CASZ1: variants seen among roughly 807,000 people sequenced by gnomAD.
CASZ1 encodes the protein zinc finger protein castor homolog 1.
A neutral mutation model predicts 135.2 loss-of-function variants in CASZ1; 28 were observed. That is an observed-to-expected ratio of 0.21 (90% CI 0.15 to 0.28). The LOEUF (loss-of-function observed/expected upper bound fraction) is 0.28, where lower values mean the gene tolerates loss of function less well. Ranked by LOEUF, CASZ1 falls within the 10% of genes least tolerant of loss-of-function variation. The pLI, the probability that CASZ1 is intolerant of heterozygous loss-of-function variation, is 1.00. For synonymous variants in CASZ1, 1,068 were observed against 1,073.4 expected, an observed-to-expected ratio of 0.99 and a Z score of 0.10; for missense variants, 2,161 against 2,453.3, an observed-to-expected ratio of 0.88 and a Z score of 2.52.
At chr1:10,753,054 C>T (rs961127848) in intron 2 of CASZ1, among the ~76,000 whole-genome samples, 3 of 152,094 alleles carry the variant, frequency 2.0e-5, no homozygotes, top group African/African-American at 7.2e-5. Context: ...CAAAACAAAA[C>T]AAAACAAAAA....
chr1:10,662,368 T>C (rs1484356507), intron 5 of CASZ1, among the ~76,000 whole-genome samples: 1 of 149,768 alleles, frequency 6.7e-6, no homozygotes, highest in Non-Finnish European at 1.5e-5. Context: ...CACATGTGCA[T>C]TCTCATACTT....
Position 10,767,781 on chromosome 1 carries a change from T to C in CASZ1, c.-233-6924A>G, listed in dbSNP as rs988070959. Reference sequence around the variant, plus strand: ...AAAGGGCCACATCAGCAGGTCCGGTTGCAGCTCCCTGTCTGTCTTGCCCAC... The same window carrying C: ...AAAGGGCCACATCAGCAGGTCCGGTCGCAGCTCCCTGTCTGTCTTGCCCAC... On this transcript the variant is annotated intron_variant, in intron 1 of 20. Coordinates refer to ENST00000377022, the MANE Select transcript of CASZ1 (RefSeq NM_001079843.3). This position sits in a 1 kb window ranked among gnomAD's most constrained non-coding sequence, Gnocchi z 4.2. Among the ~76,000 whole-genome samples the C allele has an allele frequency of 6.6e-5, 10 of 152,224 alleles. No individual in the cohort carries two copies. The highest frequency in any genetic ancestry group is 2.4e-4 in the African/African-American group (10 of 41,454).
At chr1:10,642,707 C>G in intron 20 of CASZ1, 152 bp downstream of exon 20, 1 of 823,824 alleles carries the variant, frequency 1.2e-6, no homozygotes, top group Non-Finnish European at 1.8e-6. Context: ...GCCTCGATGA[C>G]CCAGTCCCAC....
rs1640899086 is a variant in CASZ1 at position 10,788,541 on chromosome 1, G to A, written c.-234+8023C>T. Reference sequence around the variant, plus strand: ...TTTATTAAGAGGATTCTCAAAGGGGGCACATGGATTCAAAAGAAGGGAAGA... The same window carrying A: ...TTTATTAAGAGGATTCTCAAAGGGGACACATGGATTCAAAAGAAGGGAAGA... On this transcript the variant is annotated intron_variant, in intron 1 of 20. Coordinates refer to ENST00000377022, the MANE Select transcript of CASZ1 (RefSeq NM_001079843.3). The surrounding 1 kb of genome is among the most constrained non-coding windows in gnomAD (Gnocchi z 4.1). Among the ~76,000 whole-genome samples, 2 of 152,148 alleles carry A rather than the reference G, an allele frequency of 1.3e-5. No homozygotes were observed. The highest frequency in any genetic ancestry group is 4.1e-4 in the South Asian group (2 of 4,828).
chr1:10,714,757 G>T (rs1570514974), intron 2 of CASZ1, among the ~76,000 whole-genome samples: 2 of 152,318 alleles, frequency 1.3e-5, no homozygotes, highest in East Asian at 1.9e-4. Flanking sequence ...CAAAGGTCTG[G>T]CCTGACCCTG....
intron 4 of CASZ1, among the ~76,000 whole-genome samples, chr1:10,680,465 T>C (rs1268501539): frequency 6.6e-5 from 10 of 152,188 alleles, no homozygotes; most frequent in Non-Finnish European, 1.3e-4. Flanking sequence ...GTTTCTCAAA[T>C]ATATCCTGAG....
chr1:10,655,698 T>C lies in CASZ1; in HGVS notation c.1616A>G (p.Tyr539Cys), dbSNP rs1570422371. The C allele has an allele frequency of 6.2e-7, 1 of 1,614,090 alleles. No homozygotes were observed. The highest frequency in any genetic ancestry group is 1.7e-5 in the Admixed American group (1 of 60,022). The change falls in exon 9 of 21, where the codon TAC (tyrosine) becomes TGC (cysteine). Residue 539 changes from tyrosine (Y) to cysteine (C), a missense_variant. Tyr to Cys is a radical substitution (Grantham distance 194). Transcript: ENST00000377022. The stretch of plus-strand genomic sequence containing the variant: ...CTTCCCATTGAGGTGGCAGCCGTGG[T>C]AGTAGACGCTGCAGTCGTCCAGCGG... Reference protein sequence around the residue: ...FSPLDDCSVYYHGCHLNGKST... With the variant: ...FSPLDDCSVYCHGCHLNGKST...
At chr1:10,749,182 C>T (rs956955371) in intron 2 of CASZ1, among the ~76,000 whole-genome samples, 1 of 152,146 alleles carries the variant, frequency 6.6e-6, no homozygotes, top group African/African-American at 2.4e-5. Flanking sequence ...CACGACATGC[C>T]CTCCACCCTG....
In CASZ1 at chr1:10,649,392, C is replaced by T. The variant is rs759014812; in HGVS notation, c.2926G>A (p.Ala976Thr). The change falls in exon 14 of 21, where the codon GCG becomes ACG. Residue 976 changes from alanine (A) to threonine (T), a missense_variant. Coordinates refer to ENST00000377022, the MANE Select transcript of CASZ1 (RefSeq NM_001079843.3). ...PGLGSLLNIK[A>T]EAEGSPAAEP... ...GCAGCGGGGCTCCCCTCCGCTTCCGCCTTGATGTTCAGCAGGCTGCCCAGG... is the reference window on the plus strand; with the variant it reads ...GCAGCGGGGCTCCCCTCCGCTTCCGTCTTGATGTTCAGCAGGCTGCCCAGG... The T allele has an allele frequency of 6.2e-7, 1 of 1,610,756 alleles. No homozygotes were observed. Among genetic ancestry groups the T allele is most frequent in the South Asian group, 1.1e-5 (1 of 90,476 alleles).
At chr1:10,771,335 T>C (rs1015568168) in intron 1 of CASZ1, among the ~76,000 whole-genome samples, 7 of 152,080 alleles carry the variant, frequency 4.6e-5, no homozygotes, top group African/African-American at 7.2e-5. Flanking sequence ...ATTATTATTA[T>C]GGATTTTTGG....
At chr1:10,779,343 T>G (rs1376063129) in intron 1 of CASZ1, among the ~76,000 whole-genome samples, 1 of 151,198 alleles carries the variant, frequency 6.6e-6, no homozygotes. Context: ...CAAAAGCTAT[T>G]GTTGCACAGC....
intron 2 of CASZ1, among the ~76,000 whole-genome samples, chr1:10,743,673 G>GC (rs1283207297): frequency 0.011 from 1,591 of 142,762 alleles, 47 homozygotes; most frequent in African/African-American, 0.041. Context: ...ATGGGGGGGC[G>GC]GGGTGCGGGG....
chr1:10,664,177 A>T (rs1373458663), intron 5 of CASZ1, among the ~76,000 whole-genome samples: 1 of 152,100 alleles, frequency 6.6e-6, no homozygotes, highest in Non-Finnish European at 1.5e-5. Context: ...GGCTCCCCGC[A>T]CGGGGAGGAG....
intron 2 of CASZ1, among the ~76,000 whole-genome samples, chr1:10,734,461 A>T (rs1018227660): frequency 6.6e-6 from 1 of 152,178 alleles, no homozygotes; most frequent in African/African-American, 2.4e-5. Flanking sequence ...AGACTCAACA[A>T]TAAATGGTAA....
At chr1:10,771,657 T>TTCCTCC (rs34581008) in intron 1 of CASZ1, among the ~76,000 whole-genome samples, 1 of 150,676 alleles carries the variant, frequency 6.6e-6, no homozygotes, top group Non-Finnish European at 1.5e-5. Flanking sequence ...TTTCACCTCT[T>TTCCTCC]TCCTCCTCCT....
In CASZ1 at chr1:10,665,200, T is replaced by C; in HGVS notation, c.388A>G (p.Ser130Gly). The change falls in exon 5 of 21, where the codon AGC (serine) becomes GGC (glycine). Residue 130 changes from serine (S) to glycine (G), a missense_variant. Transcript: ENST00000377022. ...TCCTCCGCGTGGTCTTCCTCATCGC[T>C]GCACCCCTGGGGCTGCACCATGTAG... ...GVYMVQPQGC[S>G]DEEDHAEEPS... 1 of 1,580,064 alleles carries C rather than the reference T, an allele frequency of 6.3e-7. No homozygotes were observed. Among genetic ancestry groups the C allele is most frequent in the Non-Finnish European group, 8.6e-7 (1 of 1,160,072 alleles).
chr1:10,787,042 C>A (rs1355841255), intron 1 of CASZ1, among the ~76,000 whole-genome samples: 1 of 152,182 alleles, frequency 6.6e-6, no homozygotes, highest in African/African-American at 2.4e-5. Flanking sequence ...ACAATGCCAA[C>A]CATGATAAAT....
chr1:10,672,424 T>G (rs998673113), intron 4 of CASZ1, among the ~76,000 whole-genome samples: 1 of 148,704 alleles, frequency 6.7e-6, no homozygotes, highest in Non-Finnish European at 1.5e-5. Context: ...TTATGGCGGG[T>G]GTCCTTGGGA....
Position 10,652,935 on chromosome 1 carries a change from G to A in CASZ1, c.2680+442C>T, listed in dbSNP as rs1211893083. ...CGTCCCTGGGCCTGGAGGTGTCCAG[G>A]TGTGAGGTGCAGCCCCACTACCGCT... On this transcript the variant is annotated intron_variant, in intron 11 of 20. Coordinates refer to ENST00000377022, the MANE Select transcript of CASZ1 (RefSeq NM_001079843.3). 3.6e-5 allele frequency: 8 copies of A among 224,718 alleles called. No homozygotes were observed. In the East Asian group the frequency reaches 7.4e-4, roughly 21 times the overall value. The allele number at this position is 224,718 out of a possible 1,614,324, so 13.9% of individuals were successfully genotyped here.
Sources: gnomAD v4.1 joint callset for allele counts (sites outside exome capture counted in the v4.1 genomes callset) on GRCh38, gnomAD v4.1.1 for gene constraint, Gnocchi (gnomAD v3.1) non-coding constraint, MANE v1.5 for transcripts, NCBI Gene and HGNC (gene_info 2026-07-23, HGNC 2026-07-21) for gene names.